The following THRA variants were observed in gnomAD, a reference collection of about 807,000 sequenced individuals.
THRA encodes the protein thyroid hormone receptor alpha, also known as EAR-7.
THRA carries 13 observed loss-of-function variants against 45.0 expected under a neutral mutation model. That is an observed-to-expected ratio of 0.29 (90% CI 0.19 to 0.46). THRA has a LOEUF of 0.46. Among genes scored for constraint, THRA ranks in the 20% least tolerant of loss-of-function variants. THRA has a pLI of 1.00. For synonymous variants in THRA, 195 were observed against 214.0 expected, an observed-to-expected ratio of 0.91 and a Z score of 0.78; for missense variants, 278 against 556.1, an observed-to-expected ratio of 0.50 and a Z score of 5.03.
rs1206463716 is a variant in THRA at position 40,090,122 on chromosome 17, C to A, written c.*666C>A. On this transcript the variant is annotated 3_prime_UTR_variant, in exon 9 of 9. Transcript: ENST00000450525. ...AGGCTGACCAGAGGGGAGGACCCCC[C>A]CTTTACCACCCCATGCACTTTGCGA... The A allele has an allele frequency of 2.7e-6, 2 of 737,460 alleles. No individual in the cohort carries two copies. The highest frequency in any genetic ancestry group is 3.8e-5 in the African/African-American group (2 of 52,108). The allele number at this position is 737,460 out of a possible 1,614,324, so 45.7% of individuals were successfully genotyped here. A position where few individuals can be genotyped will look rare whatever the true frequency, so the allele number is the denominator to read the frequency against.
chr17:40,087,211 A>G (rs1000218862), intron 7 of THRA, among the ~76,000 whole-genome samples: 2 of 151,138 alleles, frequency 1.3e-5, no homozygotes, highest in Admixed American at 1.3e-4. Context: ...ACACAGACAC[A>G]CACACACACA....
chr17:40,089,467 G>T lies in THRA; in HGVS notation c.*11G>T. The T allele has an allele frequency of 6.2e-7, 1 of 1,613,402 alleles. No homozygotes were observed. The highest frequency in any genetic ancestry group is 8.5e-7 in the Non-Finnish European group (1 of 1,179,562). On this transcript the variant is annotated 3_prime_UTR_variant, in exon 9 of 9. Transcript: ENST00000450525. This position sits in a 1 kb window ranked among gnomAD's most constrained non-coding sequence, Gnocchi z 6.1. ...GATCAGGAAGTCTAAAGCCTCAGGC[G>T]GCCAGAGGGTGTGCGGAGCTGGTGG...
intron 4 of THRA, among the ~76,000 whole-genome samples, chr17:40,083,173 T>C (rs1364887665): frequency 6.6e-6 from 1 of 151,910 alleles, no homozygotes; most frequent in Non-Finnish European, 1.5e-5. Context: ...GTGATCCGCC[T>C]GCCTCAGCCT....
rs1360862115 is a variant in THRA, at chr17:40,089,908, C to T, written c.*452C>T. On this transcript the variant is annotated 3_prime_UTR_variant, in exon 9 of 9. Transcript: ENST00000450525. This position sits in a 1 kb window ranked among gnomAD's most constrained non-coding sequence, Gnocchi z 6.1. ...TCCAGGCTGAGGGCCTCTCTACTTC[C>T]CCAGATGCCTGGGTGCAAAGAACGG... 1 of 996,548 alleles carries T rather than the reference C, an allele frequency of 1.0e-6. No individual in the cohort carries two copies. Among genetic ancestry groups the T allele is most frequent in the East Asian group, 1.1e-4 (1 of 9,214 alleles). 61.7% of individuals were successfully genotyped at this position (996,548 alleles called of 1,614,324 possible). A position where few individuals can be genotyped will look rare whatever the true frequency, so the allele number is the denominator to read the frequency against.
downstream of THRA, chr17:40,093,839 G>A (rs1251261406): frequency 2.0e-5 from 27 of 1,335,096 alleles, no homozygotes; most frequent in Non-Finnish European, 2.5e-5. The surrounding 1 kb of genome is among the most constrained non-coding windows in gnomAD (Gnocchi z 5.9). Flanking sequence ...CATAGAGTAG[G>A]TACTCCATAA....
downstream of THRA, chr17:40,093,189 A>G (rs1987651676): frequency 1.9e-6 from 3 of 1,613,884 alleles, no homozygotes; most frequent in Non-Finnish European, 2.5e-6. This position sits in a 1 kb window ranked among gnomAD's most constrained non-coding sequence, Gnocchi z 5.9. Flanking sequence ...GGAAGTCTCC[A>G]AGGGCCGGTT....
At chr17:40,077,697 C>CTT (rs111429398) in intron 4 of THRA, 89 bp downstream of exon 4, 1,955 of 804,694 alleles carry the variant, frequency 2.4e-3, no homozygotes, top group East Asian at 3.0e-3. Context: ...TAGGTCATCA[C>CTT]TTTTTTTTTT....
chr17:40,088,159 G>T lies in THRA; in HGVS notation c.724-83G>T, dbSNP rs191660852. The T allele has an allele frequency of 3.7e-3, 5,639 of 1,503,764 alleles. 16 individuals are homozygous for T. The highest frequency in any genetic ancestry group is 4.6e-3 in the Non-Finnish European group (5,234 of 1,126,400). The allele number at this position is 1,503,764 out of a possible 1,614,324, so 93.2% of individuals were successfully genotyped here. A position where few individuals can be genotyped will look rare whatever the true frequency, so the allele number is the denominator to read the frequency against. ...TCCATGGGGGCCTTGCGGGCCTCAC[G>T]GCTCCCGTAGGACACTCTAGGGGAG... On this transcript the variant is annotated intron_variant, in intron 7 of 8. Transcript: ENST00000450525.
At position 40,087,308 on chromosome 17, in the gene THRA, GAC is replaced by G. The variant is rs149986300; in HGVS notation, c.723+471_723+472del. ...ACATAGACACACACACACAGATACA[GAC>G]ACACACACACACACAGACATATACA... On this transcript the variant is annotated intron_variant, in intron 7 of 8. Coordinates refer to ENST00000450525, the MANE Select transcript of THRA (RefSeq NM_199334.5). 7.6e-3 allele frequency among the ~76,000 whole-genome samples: 800 copies of G among 105,390 alleles called. 6 individuals are homozygous for G. The highest frequency in any genetic ancestry group is 0.026 in the African/African-American group (746 of 29,128). The allele number at this position is 105,390 out of a possible 152,430, so 69.1% of individuals were successfully genotyped here.
intron 2 of THRA, among the ~76,000 whole-genome samples, chr17:40,076,150 C>T (rs530104294): frequency 1.3e-5 from 2 of 152,212 alleles, no homozygotes; most frequent in Non-Finnish European, 2.9e-5. Flanking sequence ...AGTCCCGGCT[C>T]TGACTCTAGC....
intron 4 of THRA, among the ~76,000 whole-genome samples, chr17:40,078,516 C>T (rs1328696121): frequency 6.6e-6 from 1 of 152,044 alleles, no homozygotes; most frequent in Non-Finnish European, 1.5e-5. Context: ...AAAATAGTGC[C>T]ATGTGCATAA....
At chr17:40,084,546 G>A (rs111887719) in intron 5 of THRA, 64 bp from the exon 6 acceptor site, 21 of 1,568,788 alleles carry the variant, frequency 1.3e-5, no homozygotes, top group Middle Eastern at 1.7e-4. Context: ...AGTAGTTTCC[G>A]GGAGCATTAT....
intron 3 of THRA, 104 bp downstream of exon 3, chr17:40,077,042 G>A (rs912855062): frequency 5.0e-6 from 6 of 1,200,534 alleles, no homozygotes; most frequent in South Asian, 4.1e-5. Flanking sequence ...TGTGTTCCCT[G>A]GGGGGAGCCT....
chr17:40,066,231 GGCACCAA>G (rs1305901710), intron 1 of THRA, among the ~76,000 whole-genome samples: 1 of 152,148 alleles, frequency 6.6e-6, no homozygotes, highest in African/African-American at 2.4e-5. Context: ...CGAGCCCGGG[GGCACCAA>G]GCACTTCTCG....
intron 6 of THRA, among the ~76,000 whole-genome samples, chr17:40,086,380 G>T (rs1005945351): frequency 5.3e-5 from 8 of 152,288 alleles, no homozygotes; most frequent in African/African-American, 1.9e-4. Flanking sequence ...CTGTGAAATG[G>T]TGATTATTAT....
At chr17:40,083,715 G>A (rs920901777) in intron 4 of THRA, 120 bp from the exon 5 acceptor site, 2 of 1,326,644 alleles carry the variant, frequency 1.5e-6, no homozygotes, top group Non-Finnish European at 2.0e-6. Context: ...AGGATGCCAG[G>A]TCCCCTCACT....
chr17:40,069,507 A>G (rs1377752103), intron 1 of THRA, among the ~76,000 whole-genome samples: 1 of 151,872 alleles, frequency 6.6e-6, no homozygotes, highest in African/African-American at 2.4e-5. Context: ...CCATGGTGCC[A>G]TCTGCAGCAA....
intron 6 of THRA, among the ~76,000 whole-genome samples, 159 bp downstream of exon 6, chr17:40,084,974 T>A (rs959076194): frequency 1.3e-5 from 2 of 152,234 alleles, no homozygotes; most frequent in Non-Finnish European, 2.9e-5. Context: ...CACTTGTGTT[T>A]GTGTCCTTGC....
intron 2 of THRA, among the ~76,000 whole-genome samples, chr17:40,076,459 G>A (rs1007086375): frequency 4.6e-5 from 7 of 152,176 alleles, no homozygotes; most frequent in Admixed American, 4.6e-4. Context: ...TATAGTGAAG[G>A]TTGCATGGTT....
Sources: gnomAD v4.1 joint callset for allele counts (sites outside exome capture counted in the v4.1 genomes callset) on GRCh38, gnomAD v4.1.1 for gene constraint, Gnocchi (gnomAD v3.1) non-coding constraint, MANE v1.5 for transcripts, NCBI Gene and HGNC (gene_info 2026-07-23, HGNC 2026-07-21) for gene names.